CNTN6: variants seen among roughly 807,000 people sequenced by gnomAD.
The protein encoded by CNTN6 is contactin 6.
A neutral mutation model predicts 122.8 loss-of-function variants in CNTN6; 137 were observed. The observed-to-expected ratio is 1.12, with a 90% confidence interval of 0.97 to 1.29. The LOEUF is 1.29. Ranked by LOEUF, CNTN6 falls within the 50% of genes most tolerant of loss-of-function variation. The pLI is 0.00. For synonymous variants in CNTN6, 570 were observed against 426.0 expected, an observed-to-expected ratio of 1.34 and a Z score of -4.16; for missense variants, 1,634 against 1,223.4, an observed-to-expected ratio of 1.34 and a Z score of -5.01.
At chr3:1,220,466 CTTTG>C (rs1190732551) in intron 2 of CNTN6, among the ~76,000 whole-genome samples, 6 of 151,912 alleles carry the variant, frequency 3.9e-5, no homozygotes, top group Non-Finnish European at 7.4e-5. Context: ...GTGTTATGCC[CTTTG>C]TTTGTTGGAA....
At chr3:1,124,254 C>T (rs141480094) in intron 1 of CNTN6, among the ~76,000 whole-genome samples, 159 of 152,000 alleles carry the variant, frequency 1.0e-3, no homozygotes, top group African/African-American at 3.4e-3. Context: ...GCCAGGCCAA[C>T]GCGCCAACAC....
intron 4 of CNTN6, among the ~76,000 whole-genome samples, chr3:1,236,106 C>G (rs1165903514): frequency 2.0e-5 from 3 of 152,044 alleles, no homozygotes; most frequent in Non-Finnish European, 4.4e-5. Flanking sequence ...TATCCCTATC[C>G]CAGTCTGGTG....
chr3:1,338,591 A>G (rs1205587340), intron 11 of CNTN6, among the ~76,000 whole-genome samples: 1 of 152,160 alleles, frequency 6.6e-6, no homozygotes, highest in Non-Finnish European at 1.5e-5. Flanking sequence ...AAGAGATATA[A>G]ATCCTTAGTT....
chr3:1,254,717 A>G (rs573826414), intron 4 of CNTN6, among the ~76,000 whole-genome samples: 6 of 152,188 alleles, frequency 3.9e-5, no homozygotes, highest in Non-Finnish European at 7.3e-5. Flanking sequence ...AAAGTTATTT[A>G]TTGGAGGCTC....
chr3:1,281,840 G>C (rs1206424437), intron 5 of CNTN6, among the ~76,000 whole-genome samples: 1 of 152,062 alleles, frequency 6.6e-6, no homozygotes, highest in Non-Finnish European at 1.5e-5. Flanking sequence ...CGGCAGCAAG[G>C]GAGAAATCAT....
intron 2 of CNTN6, among the ~76,000 whole-genome samples, chr3:1,164,265 C>T (rs2093198389): frequency 6.6e-6 from 1 of 152,248 alleles, no homozygotes; most frequent in Non-Finnish European, 1.5e-5. Context: ...CAAACGCTTC[C>T]CCTTCACATG....
chr3:1,189,757 T>G lies in CNTN6; in HGVS notation c.56-30930T>G, dbSNP rs1397125395. ...AATGGGAAAGAATCCTGTGATTGAA[T>G]AGTAATGTCTGCCAAACCCAAGGAA... On this transcript the variant is annotated intron_variant, in intron 2 of 22. Coordinates refer to ENST00000446702, the MANE Select transcript of CNTN6 (RefSeq NM_001289080.2). Among the ~76,000 whole-genome samples, 2 of 152,132 alleles carry G rather than the reference T, an allele frequency of 1.3e-5. 1 individual carries two copies. Among genetic ancestry groups the G allele is most frequent in the South Asian group, 4.1e-4 (2 of 4,826 alleles).
At chr3:1,252,408 A>T (rs1177183258) in intron 4 of CNTN6, among the ~76,000 whole-genome samples, 1 of 152,212 alleles carries the variant, frequency 6.6e-6, no homozygotes, top group Non-Finnish European at 1.5e-5. Flanking sequence ...AGGAAAAGCT[A>T]TTAATAATAT....
At chr3:1,386,312 A>G (rs1429665976) in intron 20 of CNTN6, among the ~76,000 whole-genome samples, 2 of 152,182 alleles carry the variant, frequency 1.3e-5, no homozygotes, top group Non-Finnish European at 2.9e-5. Flanking sequence ...TGATCCTACA[A>G]CTGTCAGACA....
At chr3:1,393,690 A>G (rs1249984157) in intron 20 of CNTN6, among the ~76,000 whole-genome samples, 2 of 152,142 alleles carry the variant, frequency 1.3e-5, no homozygotes, top group Non-Finnish European at 1.5e-5. Flanking sequence ...ACTGACAGAC[A>G]TTTTAGTGCA....
At chr3:1,176,452 C>A (rs991904183) in intron 2 of CNTN6, among the ~76,000 whole-genome samples, 2 of 152,118 alleles carry the variant, frequency 1.3e-5, no homozygotes, top group East Asian at 1.9e-4. Flanking sequence ...TTTGATTCAA[C>A]CTGGTTAGCC....
At chr3:1,203,973 G>A (rs1237073710) in intron 2 of CNTN6, among the ~76,000 whole-genome samples, 1 of 152,204 alleles carries the variant, frequency 6.6e-6, no homozygotes, top group Non-Finnish European at 1.5e-5. Context: ...TAGCCTAGAA[G>A]CAATAGGCTG....
chr3:1,387,383 T>G (rs985728523), intron 20 of CNTN6, among the ~76,000 whole-genome samples: 1 of 152,220 alleles, frequency 6.6e-6, no homozygotes, highest in African/African-American at 2.4e-5. Flanking sequence ...ATGAAGTTGT[T>G]GCCAGATAAC....
intron 2 of CNTN6, among the ~76,000 whole-genome samples, chr3:1,183,806 C>T (rs750355093): frequency 2.0e-5 from 3 of 152,110 alleles, no homozygotes; most frequent in Non-Finnish European, 2.9e-5. Context: ...GGGCACAGCT[C>T]ATCTGAGTTT....
chr3:1,215,022 G>A (rs1034102869), intron 2 of CNTN6, among the ~76,000 whole-genome samples: 3 of 152,152 alleles, frequency 2.0e-5, no homozygotes, highest in African/African-American at 7.2e-5. Flanking sequence ...ATCTCTCAAA[G>A]TGCAGGGATT....
Position 1,327,593 on chromosome 3 carries a change from C to T in CNTN6, c.1213+7C>T, listed in dbSNP as rs745325151. On this transcript the variant is annotated splice_region_variant and intron_variant, in intron 10 of 22. Coordinates refer to ENST00000446702, the MANE Select transcript of CNTN6 (RefSeq NM_001289080.2). Reference sequence around the variant, plus strand: ...GCTGAATTGAGAGTTTTAGGTAAGTCGTTTATTTACAACCAACAAATTCAA... The same window carrying T: ...GCTGAATTGAGAGTTTTAGGTAAGTTGTTTATTTACAACCAACAAATTCAA... 10 of 1,607,396 alleles carry T rather than the reference C, an allele frequency of 6.2e-6. No homozygotes were observed. The highest frequency in any genetic ancestry group is 8.5e-6 in the Non-Finnish European group (10 of 1,176,512).
At chr3:1,365,609 T>C (rs1708106239) in intron 12 of CNTN6, among the ~76,000 whole-genome samples, 1 of 152,026 alleles carries the variant, frequency 6.6e-6, no homozygotes, top group South Asian at 2.1e-4. Flanking sequence ...TTACATGGAT[T>C]AAAAATATTC....
intron 2 of CNTN6, among the ~76,000 whole-genome samples, chr3:1,154,530 GCCT>G: frequency 6.7e-6 from 1 of 149,916 alleles, no homozygotes; most frequent in South Asian, 2.1e-4. Flanking sequence ...TGCAACCTCT[GCCT>G]CCCAGGTTCA....
At chr3:1,114,121 T>A (rs550329282) in intron 1 of CNTN6, among the ~76,000 whole-genome samples, 147 of 152,312 alleles carry the variant, frequency 9.7e-4, no homozygotes, top group Admixed American at 1.6e-3. Flanking sequence ...AATACACTCT[T>A]CGGTTCTGTG....
Sources: allele counts gnomAD v4.1 joint callset (sites outside exome capture counted in the v4.1 genomes callset), GRCh38; gene constraint gnomAD v4.1.1; transcripts MANE v1.5; gene names NCBI Gene and HGNC (gene_info 2026-07-23, HGNC 2026-07-21).